The following DGKI variants were observed in gnomAD, a reference collection of about 807,000 sequenced individuals.
DGKI encodes DAG kinase iota.
A neutral mutation model predicts 147.5 loss-of-function variants in DGKI; 55 were observed. The ratio of observed to expected loss-of-function variants is 0.37; its 90% CI spans 0.30 to 0.47. The LOEUF is 0.47. Ranked by LOEUF, DGKI falls within the 20% of genes least tolerant of loss-of-function variation. The pLI is 1.00. For missense variants in DGKI, 1,007 were observed against 1,323.8 expected, an observed-to-expected ratio of 0.76 and a Z score of 3.71; for synonymous variants, 469 against 477.1, an observed-to-expected ratio of 0.98 and a Z score of 0.22.
chr7:137,833,459 C>A (rs1798276009), intron 1 of DGKI, among the ~76,000 whole-genome samples: 1 of 152,138 alleles, frequency 6.6e-6, no homozygotes, highest in Admixed American at 6.5e-5. Context: ...ATCATGAGAT[C>A]ATCAAGGGAA....
Position 137,554,032 on chromosome 7 carries a change from C to G in DGKI, c.1948-1464G>C, listed in dbSNP as rs112650321. ...CTAGACCACTTTTAAGCCATCTTCT[C>G]AGACTCAAAAATAAAACAACAGCAA... On this transcript the variant is annotated intron_variant, in intron 19 of 32. Transcript: ENST00000614521. Among the ~76,000 whole-genome samples the G allele has an allele frequency of 3.0e-3, 457 of 152,232 alleles. 4 individuals carry two copies. Among genetic ancestry groups the G allele is most frequent in the African/African-American group, 0.01 (434 of 41,550 alleles).
At chr7:137,733,765 G>GA (rs780513218) in intron 1 of DGKI, among the ~76,000 whole-genome samples, 3 of 152,004 alleles carry the variant, frequency 2.0e-5, no homozygotes, top group Non-Finnish European at 4.4e-5. Context: ...ATATTAGAGT[G>GA]AAAAAAGAGT....
chr7:137,524,628 T>TCTGCAAAA (rs1817078385), intron 20 of DGKI, among the ~76,000 whole-genome samples: 1 of 152,110 alleles, frequency 6.6e-6, no homozygotes. Context: ...GCAAAGACTG[T>TCTGCAAAA]AATTAGAAAA....
intron 20 of DGKI, among the ~76,000 whole-genome samples, chr7:137,522,353 T>A (rs907107888): frequency 3.3e-5 from 5 of 151,994 alleles, no homozygotes; most frequent in African/African-American, 1.2e-4. Flanking sequence ...CACATCACAG[T>A]AAGACATGGT....
intron 1 of DGKI, among the ~76,000 whole-genome samples, chr7:137,763,659 T>A (rs1244477574): frequency 6.6e-6 from 1 of 152,262 alleles, no homozygotes; most frequent in Admixed American, 6.5e-5. Flanking sequence ...CCATTTATTA[T>A]CCACGATTCT....
At chr7:137,419,669 G>A (rs1812486497) in intron 28 of DGKI, among the ~76,000 whole-genome samples, 1 of 152,146 alleles carries the variant, frequency 6.6e-6, no homozygotes, top group Non-Finnish European at 1.5e-5. Flanking sequence ...AAAAATGACT[G>A]TAATTAATAT....
intron 29 of DGKI, among the ~76,000 whole-genome samples, chr7:137,411,799 A>G (rs749930081): frequency 1.3e-5 from 2 of 152,204 alleles, no homozygotes; most frequent in Non-Finnish European, 2.9e-5. Flanking sequence ...CACGACAAGG[A>G]AAGATTAATC....
intron 27 of DGKI, among the ~76,000 whole-genome samples, chr7:137,448,174 AGAAGTAGACC>A (rs1452160758): frequency 1.3e-5 from 2 of 152,104 alleles, no homozygotes; most frequent in Non-Finnish European, 2.9e-5. Flanking sequence ...TCTGCTAGCC[AGAAGTAGACC>A]CAAACCTAGA....
intron 6 of DGKI, among the ~76,000 whole-genome samples, chr7:137,638,691 GA>G (rs1244781378): frequency 7.3e-6 from 1 of 136,608 alleles, no homozygotes; most frequent in Non-Finnish European, 1.5e-5. Flanking sequence ...TGTACACACA[GA>G]TACATATGTA....
chr7:137,772,472 T>C (rs1415522754), intron 1 of DGKI, among the ~76,000 whole-genome samples: 1 of 151,978 alleles, frequency 6.6e-6, no homozygotes, highest in Admixed American at 6.5e-5. Flanking sequence ...AAGGGAGGTA[T>C]CAAAAAAACA....
intron 20 of DGKI, among the ~76,000 whole-genome samples, chr7:137,544,117 C>T (rs930742834): frequency 1.4e-4 from 21 of 152,234 alleles, no homozygotes; most frequent in African/African-American, 4.6e-4. Context: ...GGACAATTTA[C>T]TTTACTGTAT....
At chr7:137,493,684 G>A (rs967721926) in intron 21 of DGKI, 17 of 692,242 alleles carry the variant, frequency 2.5e-5, no homozygotes, top group African/African-American at 2.1e-4. Flanking sequence ...ACATCTAAAA[G>A]ATAGCAACTT....
intron 28 of DGKI, among the ~76,000 whole-genome samples, chr7:137,414,467 AAGAAAAC>A (rs914137115): frequency 1.3e-5 from 2 of 152,154 alleles, no homozygotes; most frequent in Non-Finnish European, 2.9e-5. Context: ...ACTGACTGAA[AAGAAAAC>A]AGAAAAAGAG....
At chr7:137,642,110 T>C (rs1437082461) in intron 6 of DGKI, among the ~76,000 whole-genome samples, 5 of 152,198 alleles carry the variant, frequency 3.3e-5, no homozygotes, top group African/African-American at 1.2e-4. Flanking sequence ...TTAAACAATA[T>C]GTGCTAGATC....
intron 23 of DGKI, among the ~76,000 whole-genome samples, chr7:137,475,278 G>C (rs1405534630): frequency 6.6e-6 from 1 of 152,124 alleles, no homozygotes; most frequent in Non-Finnish European, 1.5e-5. Flanking sequence ...TTAAACAAAG[G>C]CTGAAATCAT....
intron 1 of DGKI, among the ~76,000 whole-genome samples, chr7:137,725,078 G>T (rs1794681736): frequency 6.6e-6 from 1 of 152,080 alleles, no homozygotes; most frequent in African/African-American, 2.4e-5. Context: ...AGGGCGAGAA[G>T]GTTTGAAAAG....
chr7:137,788,556 C>A (rs971827511), intron 1 of DGKI, among the ~76,000 whole-genome samples: 1 of 151,392 alleles, frequency 6.6e-6, no homozygotes, highest in African/African-American at 2.4e-5. Flanking sequence ...CTGCTCATGG[C>A]CAAGGACTCC....
In DGKI at chr7:137,382,452, T is replaced by C. The variant is rs1194761296; in HGVS notation, c.*8768A>G. On this transcript the variant is annotated 3_prime_UTR_variant, in exon 33 of 33. Coordinates refer to ENST00000614521, the MANE Select transcript of DGKI (RefSeq NM_001321708.2). ...AAAACCACCTCGTCCTTTGGAAAGC[T>C]CCATTAAAAAGTTCTTCTATTAGCT... 2 of 152,018 alleles carry C rather than the reference T, an allele frequency of 1.3e-5. No individual in the cohort carries two copies. Among genetic ancestry groups the C allele is most frequent in the Non-Finnish European group, 2.9e-5 (2 of 67,972 alleles). The allele number at this position is 152,018 out of a possible 1,614,324, so 9.4% of individuals were successfully genotyped here.
At chr7:137,571,628 T>G (rs959212531) in intron 18 of DGKI, among the ~76,000 whole-genome samples, 1 of 152,134 alleles carries the variant, frequency 6.6e-6, no homozygotes, top group Non-Finnish European at 1.5e-5. Flanking sequence ...AAGGAAGATG[T>G]ATGCATGCCA....
Sources: gnomAD v4.1 joint callset for allele counts (sites outside exome capture counted in the v4.1 genomes callset) on GRCh38, gnomAD v4.1.1 for gene constraint, MANE v1.5 for transcripts, NCBI Gene and HGNC (gene_info 2026-07-23, HGNC 2026-07-21) for gene names.